PCDH7: variants seen among roughly 807,000 people sequenced by gnomAD.
PCDH7 encodes protocadherin 7, also known as protocadherin-7.
A neutral mutation model predicts 58.9 loss-of-function variants in PCDH7; 17 were observed. The ratio of observed to expected loss-of-function variants is 0.29; its 90% confidence interval spans 0.20 to 0.43. The LOEUF (loss-of-function observed/expected upper bound fraction) is 0.43, where lower values mean the gene tolerates loss of function less well. Ranked by LOEUF, PCDH7 falls within the 20% of genes least tolerant of loss-of-function variation. PCDH7 has a pLI of 1.00. For synonymous variants in PCDH7, 664 were observed against 616.4 expected (o/e 1.08, Z -1.14); for missense variants, 1,274 against 1,441.0 (o/e 0.88, Z 1.88).
chr4:30,811,067 G>A (rs1214037171), intron 1 of PCDH7, among the ~76,000 whole-genome samples: 1 of 152,088 alleles, frequency 6.6e-6, no homozygotes, highest in South Asian at 2.1e-4. Flanking sequence ...TTACCATGAC[G>A]GATTATTGCT....
At chr4:31,020,768 C>T (rs564555193) in intron 3 of PCDH7, among the ~76,000 whole-genome samples, 1 of 152,266 alleles carries the variant, frequency 6.6e-6, no homozygotes, top group South Asian at 2.1e-4. Context: ...CAATCCAGGC[C>T]TAATTACTAC....
chr4:30,796,794 A>G (rs1006311297), intron 1 of PCDH7, among the ~76,000 whole-genome samples: 2 of 152,130 alleles, frequency 1.3e-5, no homozygotes, highest in African/African-American at 4.8e-5. Flanking sequence ...TTCCAACTAA[A>G]TCTTATAACT....
chr4:30,777,024 C>A (rs1022901916), intron 1 of PCDH7, among the ~76,000 whole-genome samples: 8 of 152,014 alleles, frequency 5.3e-5, no homozygotes, highest in African/African-American at 1.9e-4. Context: ...ACAAGTTTGA[C>A]AAAACTTGCT....
At chr4:31,032,656 GAGGA>G (rs200871221) in intron 3 of PCDH7, among the ~76,000 whole-genome samples, 40 of 92,254 alleles carry the variant, frequency 4.3e-4, no homozygotes, top group Non-Finnish European at 4.5e-4. Flanking sequence ...GAGAGAGAGA[GAGGA>G]AGGAAGGAAG....
At chr4:30,758,397 A>G (rs753360406) in intron 1 of PCDH7, among the ~76,000 whole-genome samples, 1 of 152,204 alleles carries the variant, frequency 6.6e-6, no homozygotes, top group Non-Finnish European at 1.5e-5. Flanking sequence ...GTGTCATGAG[A>G]TGCCATTGGA....
chr4:30,741,796 T>G lies in PCDH7; in HGVS notation c.70+17200T>G, dbSNP rs557885011. On this transcript the variant is annotated intron_variant, in intron 1 of 3. Coordinates refer to the PCDH7 transcript ENST00000509759. ...AGGGGATGGAACAATCTGGCTCGAT[T>G]TGGAAAGCTGTTTCAAATTTAGTGT... is the stretch of plus-strand genomic sequence containing the variant. Among the ~76,000 whole-genome samples, 21 of 152,358 alleles carry G rather than the reference T, an allele frequency of 1.4e-4. No homozygotes were observed. In the East Asian group the frequency reaches 3.7e-3, roughly 27 times the overall value.
chr4:30,745,594 G>C (rs1171052823), intron 1 of PCDH7, among the ~76,000 whole-genome samples: 3 of 152,102 alleles, frequency 2.0e-5, no homozygotes, highest in Non-Finnish European at 2.9e-5. Context: ...ATGCAGTATG[G>C]AAAACAGTGG....
chr4:30,967,442 TTA>T (rs1311035981), intron 3 of PCDH7, among the ~76,000 whole-genome samples: 3 of 152,156 alleles, frequency 2.0e-5, no homozygotes, highest in African/African-American at 4.8e-5. Flanking sequence ...GATGTCTTTC[TTA>T]CTCTGCTGTC....
chr4:31,132,812 A>T (rs1206285563), intron 3 of PCDH7, among the ~76,000 whole-genome samples: 1 of 152,188 alleles, frequency 6.6e-6, no homozygotes, highest in African/African-American at 2.4e-5. Context: ...GTTGCTGGCA[A>T]TTCAAGACAC....
At chr4:31,031,784 A>G (rs1754941417) in intron 3 of PCDH7, among the ~76,000 whole-genome samples, 1 of 152,236 alleles carries the variant, frequency 6.6e-6, no homozygotes, top group Non-Finnish European at 1.5e-5. Context: ...TTAGAAGAAT[A>G]TTCCTATTAT....
At position 30,918,983 on chromosome 4, in the gene PCDH7, G is replaced by A. The variant is rs190741077; in HGVS notation, c.71-1170G>A. Among the ~76,000 whole-genome samples the A allele has an allele frequency of 2.4e-3, 370 of 152,134 alleles. 2 individuals are homozygous for A. Among genetic ancestry groups the A allele is most frequent in the African/African-American group, 8.4e-3 (348 of 41,528 alleles). ...ATATTTCTAAAATTCTACTGGTCCA[G>A]GTCGTAATTAGTAATTTGTATCATG... is the stretch of plus-strand genomic sequence containing the variant. On this transcript the variant is annotated intron_variant, in intron 1 of 3. Transcript: ENST00000509759.
In PCDH7 at chr4:30,948,684, T is replaced by A. The variant is rs1747009276; in HGVS notation, c.288-1436T>A. On this transcript the variant is annotated intron_variant, in intron 2 of 3. Transcript: ENST00000509759. ...GCTACTTTGAGTTGTTTCTTTTACA[T>A]CAGAGGGCCTAGATGCTACATATGC... Among the ~76,000 whole-genome samples, 6 of 152,176 alleles carry A rather than the reference T, an allele frequency of 3.9e-5. No homozygotes were observed. The South Asian group carries it at 1.0e-3, about 26-fold the overall frequency.
intron 1 of PCDH7, among the ~76,000 whole-genome samples, chr4:30,858,124 G>A (rs1733723853): frequency 6.6e-6 from 1 of 151,992 alleles, no homozygotes; most frequent in Non-Finnish European, 1.5e-5. Context: ...TGATTCATAT[G>A]GCCATACATC....
At chr4:31,065,977 C>A (rs550601226) in intron 3 of PCDH7, among the ~76,000 whole-genome samples, 1 of 151,930 alleles carries the variant, frequency 6.6e-6, no homozygotes, top group Non-Finnish European at 1.5e-5. Flanking sequence ...GAGTGTTAGA[C>A]CTAGTCAATA....
chr4:30,756,712 T>C (rs1453944364), intron 1 of PCDH7, among the ~76,000 whole-genome samples: 1 of 152,204 alleles, frequency 6.6e-6, no homozygotes, highest in Non-Finnish European at 1.5e-5. Context: ...TTCCTGTCTT[T>C]TGTTCAGTCT....
chr4:31,077,755 T>C (rs541757257), intron 3 of PCDH7, among the ~76,000 whole-genome samples: 32 of 152,252 alleles, frequency 2.1e-4, no homozygotes, highest in African/African-American at 7.5e-4. Flanking sequence ...TATGACAAGA[T>C]GACTTAAAAG....
At chr4:30,903,577 T>G (rs775802764) in intron 1 of PCDH7, among the ~76,000 whole-genome samples, 1 of 152,072 alleles carries the variant, frequency 6.6e-6, no homozygotes, top group Admixed American at 6.6e-5. Context: ...CTTATAAAGA[T>G]CTCATCAGAT....
At chr4:30,857,861 G>C (rs1331975058) in intron 1 of PCDH7, among the ~76,000 whole-genome samples, 1 of 152,062 alleles carries the variant, frequency 6.6e-6, no homozygotes, top group Non-Finnish European at 1.5e-5. Context: ...TCTGCCTTGT[G>C]CTACAATTCA....
intron 1 of PCDH7, among the ~76,000 whole-genome samples, chr4:30,794,433 C>CT (rs1468308269): frequency 6.6e-6 from 1 of 152,136 alleles, no homozygotes; most frequent in African/African-American, 2.4e-5. Context: ...GCAGAGGACT[C>CT]TTATTTCCCC....
Sources: allele counts gnomAD v4.1 joint callset (sites outside exome capture counted in the v4.1 genomes callset), GRCh38; gene constraint gnomAD v4.1.1; transcripts MANE v1.5; gene names NCBI Gene and HGNC (gene_info 2026-07-23, HGNC 2026-07-21).